The following SLC20A1 variants were observed in gnomAD, a reference collection of about 807,000 sequenced individuals.
SLC20A1 encodes the protein sodium-dependent phosphate transporter 1.
A neutral mutation model predicts 62.7 loss-of-function variants in SLC20A1; 28 were observed. The ratio of observed to expected loss-of-function variants is 0.45; its 90% CI spans 0.33 to 0.61. The LOEUF (loss-of-function observed/expected upper bound fraction) is 0.61. Among genes scored for constraint, SLC20A1 ranks in the 20% least tolerant of loss-of-function variants. The probability of loss-of-function intolerance (pLI) is 0.02; values close to 1 mark genes in which losing one functional copy is unlikely to be tolerated. For missense variants in SLC20A1, 673 were observed against 838.6 expected (o/e 0.80, Z 2.44); for synonymous variants, 305 against 302.9 (o/e 1.01, Z -0.07).
chr2:112,658,047 G>C (rs1202871304), intron 6 of SLC20A1, among the ~76,000 whole-genome samples: 1 of 152,258 alleles, frequency 6.6e-6, no homozygotes, highest in Non-Finnish European at 1.5e-5. Context: ...CGTCACCGCA[G>C]CTGAACCGAA....
intron 1 of SLC20A1, among the ~76,000 whole-genome samples, 180 bp from the exon 2 acceptor site, chr2:112,646,383 C>T (rs561461993): frequency 4.0e-4 from 61 of 152,072 alleles, no homozygotes; most frequent in African/African-American, 1.4e-3. Context: ...GGGCTGGGCG[C>T]GCGCGGGCCG....
intron 5 of SLC20A1, among the ~76,000 whole-genome samples, chr2:112,653,660 CTTTT>C (rs34094856): frequency 8.8e-6 from 1 of 113,516 alleles, no homozygotes; most frequent in Non-Finnish European, 2.2e-5. Context: ...CAAATTCTCT[CTTTT>C]TTTTTTTCTT....
chr2:112,656,582 A>T (rs1686595976), intron 5 of SLC20A1, among the ~76,000 whole-genome samples: 2 of 152,230 alleles, frequency 1.3e-5, no homozygotes, highest in Admixed American at 1.3e-4. Context: ...TTGCTTTGAT[A>T]CTGCTTTCAA....
At chr2:112,649,118 G>A (rs2104641496) in intron 4 of SLC20A1, among the ~76,000 whole-genome samples, 1 of 152,310 alleles carries the variant, frequency 6.6e-6, no homozygotes, top group Non-Finnish European at 1.5e-5. Flanking sequence ...CCCGGAAGGG[G>A]AATGGTGGTG....
rs960138251 is a variant in SLC20A1, at chr2:112,646,087, G to T, written c.-309G>T. ...TGTGCCCGTGGCTCCAGCCGCTGTCGCCTCGATCTCCTCGTCTCCCGCTCC... is the reference window on the plus strand; with the variant it reads ...TGTGCCCGTGGCTCCAGCCGCTGTCTCCTCGATCTCCTCGTCTCCCGCTCC... On this transcript the variant is annotated 5_prime_UTR_variant, in exon 1 of 11. Coordinates refer to ENST00000272542, the MANE Select transcript of SLC20A1 (RefSeq NM_005415.5). 151 of 152,646 alleles carry T rather than the reference G, an allele frequency of 9.9e-4. 1 individual carries two copies. The highest frequency in any genetic ancestry group is 3.4e-3 in the Middle Eastern group (1 of 296). The allele number at this position is 152,646 out of a possible 1,614,324, so 9.5% of individuals were successfully genotyped here. A position where few individuals can be genotyped will look rare whatever the true frequency, so the allele number is the denominator to read the frequency against.
Position 112,651,575 on chromosome 2 carries a change from T to C in SLC20A1, c.562-1127T>C, listed in dbSNP as rs1355949305. On this transcript the variant is annotated intron_variant, in intron 4 of 10. Coordinates refer to ENST00000272542, the MANE Select transcript of SLC20A1 (RefSeq NM_005415.5). ...CTTGCCACCACATCCGGGCTAATTTTTTTGGTATTTTTAGTAGAGACAGGG... is the reference window on the plus strand; with the variant it reads ...CTTGCCACCACATCCGGGCTAATTTCTTTGGTATTTTTAGTAGAGACAGGG... Among the ~76,000 whole-genome samples the C allele has an allele frequency of 7.9e-5, 12 of 152,194 alleles. No individual in the cohort carries two copies. In the East Asian group the frequency reaches 2.3e-3, roughly 29 times the overall value.
chr2:112,653,200 A>C, intron 5 of SLC20A1: 1 of 287,306 alleles, frequency 3.5e-6, no homozygotes, highest in African/African-American at 2.2e-5. Flanking sequence ...TCTCTCCCAA[A>C]TGGAGATACT....
Position 112,646,916 on chromosome 2 carries a change from A to G in SLC20A1, c.88A>G (p.Ile30Val). The G allele has an allele frequency of 1.2e-6, 2 of 1,613,850 alleles. No individual in the cohort carries two copies. Among genetic ancestry groups the G allele is most frequent in the South Asian group, 1.1e-5 (1 of 91,042 alleles). Residue 30 changes from isoleucine (I) to valine (V), a missense_variant, in exon 2 of 11, where the codon ATT (isoleucine) becomes GTT (valine). Ile to Val is a conservative substitution (Grantham distance 29, BLOSUM62 3). Transcript: ENST00000272542. The stretch of plus-strand genomic sequence containing the variant: ...CCTATGGATGCTCATCCTGGGCTTC[A>G]TTATTGCATTTGTCTTGGCATTCTC... ...DYLWMLILGF[I>V]IAFVLAFSVG...
chr2:112,660,639 G>A, intron 9 of SLC20A1, 67 bp downstream of exon 9: 1 of 1,337,784 alleles, frequency 7.5e-7, no homozygotes, highest in Admixed American at 2.6e-5. Context: ...ACACTGTCGA[G>A]TGCTAACACA....
intron 4 of SLC20A1, among the ~76,000 whole-genome samples, chr2:112,650,678 C>T (rs1574181224): frequency 2.0e-5 from 3 of 151,660 alleles, no homozygotes; most frequent in Middle Eastern, 3.4e-3. Flanking sequence ...GGCTGGAGTA[C>T]GGTGACTTAA....
intron 5 of SLC20A1, 86 bp from the exon 6 acceptor site, chr2:112,657,036 C>G: frequency 6.6e-7 from 1 of 1,515,190 alleles, no homozygotes; most frequent in East Asian, 2.3e-5. Flanking sequence ...GTATGGGGAA[C>G]CCCTCAGTCC....
In SLC20A1 at chr2:112,647,443, T is replaced by C; in HGVS notation, c.454T>C (p.Trp152Arg). The C allele has an allele frequency of 1.2e-6, 2 of 1,609,950 alleles. No individual in the cohort carries two copies. The highest frequency in any genetic ancestry group is 1.7e-6 in the Non-Finnish European group (2 of 1,179,058). Reference sequence around the variant, plus strand: ...GGCAAAGGGGCAGGAGGGTGTCAAGTGGTCTGAACTGATAAAAATTGGTAT... The same window carrying C: ...GGCAAAGGGGCAGGAGGGTGTCAAGCGGTCTGAACTGATAAAAATTGGTAT... ...LVAKGQEGVKWSELIKIVMSW... is the reference protein window; with the variant it reads ...LVAKGQEGVKRSELIKIVMSW... Residue 152 changes from tryptophan (W) to arginine (R), a missense_variant, in exon 3 of 11, where the codon TGG becomes CGG. Transcript: ENST00000272542.
Position 112,647,717 on chromosome 2 carries a change from T to A in SLC20A1, c.540T>A (p.Val180=). 6.2e-7 allele frequency: 1 copy of A among 1,614,104 alleles called. No individual in the cohort carries two copies. The highest frequency in any genetic ancestry group is 8.5e-7 in the Non-Finnish European group (1 of 1,179,920). The change falls in exon 4 of 11, where the codon GTT becomes GTA. Residue 180 remains valine, a synonymous_variant. Coordinates refer to ENST00000272542, the MANE Select transcript of SLC20A1 (RefSeq NM_005415.5). ...TGTCTGGAATTTTATTCTTCCTGGT[T>A]CGTGCATTCATCCTCCATAAGGTAA... The part of the protein sequence containing the change: ...GIMSGILFFL[V]RAFILHKADP...
At chr2:112,648,591 C>A (rs1686346358) in intron 4 of SLC20A1, among the ~76,000 whole-genome samples, 1 of 152,180 alleles carries the variant, frequency 6.6e-6, no homozygotes, top group South Asian at 2.1e-4. Context: ...CTTGTCTGGT[C>A]TAGTTGTAAG....
Position 112,662,882 on chromosome 2 carries a change from G to T in SLC20A1, c.1897G>T (p.Val633Phe). The T allele has an allele frequency of 6.2e-7, 1 of 1,614,130 alleles. No individual in the cohort carries two copies. Among genetic ancestry groups the T allele is most frequent in the Non-Finnish European group, 8.5e-7 (1 of 1,180,008 alleles). The change falls in exon 11 of 11, where the codon GTT becomes TTT. Residue 633 changes from valine (V) to phenylalanine (F), a missense_variant. Transcript: ENST00000272542. ...THCKVGSVVS[V>F]GWLRSKKAVD... ...CTTCTAGGTGGGCTCTGTTGTGTCTGTTGGCTGGCTCCGGTCCAAGAAGGC... is the reference window on the plus strand; with the variant it reads ...CTTCTAGGTGGGCTCTGTTGTGTCTTTTGGCTGGCTCCGGTCCAAGAAGGC...
rs1686791083 is a variant in SLC20A1, at chr2:112,662,939, A to G, written c.1954A>G (p.Met652Val). The change falls in exon 11 of 11, where the codon ATG (methionine) becomes GTG (valine). Residue 652 changes from methionine to valine, a missense_variant. Met to Val is a conservative substitution (Grantham distance 21). Transcript: ENST00000272542. ...CTGGCGTCTCTTTCGTAACATTTTT[A>G]TGGCCTGGTTTGTCACAGTCCCCAT... ...VDWRLFRNIF[M>V]AWFVTVPISG... 1 of 1,613,976 alleles carries G rather than the reference A, an allele frequency of 6.2e-7. No homozygotes were observed. Among genetic ancestry groups the G allele is most frequent in the Admixed American group, 1.7e-5 (1 of 59,988 alleles).
intron 9 of SLC20A1, 52 bp downstream of exon 9, chr2:112,660,624 A>G: frequency 6.7e-7 from 1 of 1,494,420 alleles, no homozygotes; most frequent in Non-Finnish European, 9.1e-7. Flanking sequence ...TTTTTCAGAG[A>G]TATAACACTG....
intron 5 of SLC20A1, among the ~76,000 whole-genome samples, chr2:112,656,875 A>ATC (rs1558693499): frequency 6.6e-6 from 1 of 152,254 alleles, no homozygotes; most frequent in Non-Finnish European, 1.5e-5. Flanking sequence ...GTTGAGAAGC[A>ATC]TAGGAACTTG....
chr2:112,646,908 T>G lies in SLC20A1; in HGVS notation c.80T>G (p.Leu27Arg). The G allele has an allele frequency of 1.2e-6, 2 of 1,614,106 alleles. No individual in the cohort carries two copies. The highest frequency in any genetic ancestry group is 1.7e-6 in the Non-Finnish European group (2 of 1,180,020). The change falls in exon 2 of 11, where the codon CTG becomes CGG. Residue 27 changes from leucine to arginine, a missense_variant. Leu to Arg is a moderately radical substitution (Grantham distance 102). Transcript: ENST00000272542. ...PLVDYLWMLILGFIIAFVLAF... is the reference protein window; with the variant it reads ...PLVDYLWMLIRGFIIAFVLAF... ...GTGGACTACCTATGGATGCTCATCC[T>G]GGGCTTCATTATTGCATTTGTCTTG... is the stretch of plus-strand genomic sequence containing the variant.
Sources: allele counts gnomAD v4.1 joint callset (sites outside exome capture counted in the v4.1 genomes callset), GRCh38; gene constraint gnomAD v4.1.1; transcripts MANE v1.5; gene names NCBI Gene and HGNC (gene_info 2026-07-23, HGNC 2026-07-21).